Variants in BAIAP2 observed in about 807,000 individuals in gnomAD.
BAIAP2 encodes BAR/IMD domain containing adaptor protein 2.
A neutral mutation model predicts 63.0 loss-of-function variants in BAIAP2; 18 were observed. The ratio of observed to expected loss-of-function variants is 0.29; its 90% CI spans 0.20 to 0.42. The LOEUF is 0.42. BAIAP2 is among the 10% of genes least tolerant of loss of function. BAIAP2 has a pLI of 1.00. For missense variants in BAIAP2, 610 were observed against 734.3 expected (o/e 0.83, Z 1.96); for synonymous variants, 386 against 307.6 (o/e 1.25, Z -2.67).
At chr17:81,105,981 G>A in intron 10 of BAIAP2, 97 bp from the exon 11 acceptor site, 1 of 1,084,834 alleles carries the variant, frequency 9.2e-7, no homozygotes, top group Admixed American at 2.1e-5. Flanking sequence ...GCGCAGCCAT[G>A]CTGGGGAGCT....
intron 11 of BAIAP2, among the ~76,000 whole-genome samples, 178 bp from the exon 12 acceptor site, chr17:81,106,567 G>C (rs1022803578): frequency 6.6e-6 from 1 of 152,228 alleles, no homozygotes; most frequent in Non-Finnish European, 1.5e-5. Context: ...GCCAGGAGGA[G>C]GAAGGGAGGC....
At chr17:81,067,043 C>G (rs955441042) in intron 3 of BAIAP2, among the ~76,000 whole-genome samples, 1 of 152,238 alleles carries the variant, frequency 6.6e-6, no homozygotes, top group Non-Finnish European at 1.5e-5. Flanking sequence ...TGGTTGGTCC[C>G]GGACCTCCAG....
chr17:81,059,123 G>GCCC (rs145916501), intron 3 of BAIAP2, among the ~76,000 whole-genome samples: 37 of 150,204 alleles, frequency 2.5e-4, no homozygotes, highest in African/African-American at 9.1e-4. Context: ...CCTCATCGGA[G>GCCC]CCCCCCCCCC....
At chr17:81,058,529 G>A (rs183300324) in intron 3 of BAIAP2, among the ~76,000 whole-genome samples, 28 of 152,340 alleles carry the variant, frequency 1.8e-4, no homozygotes, top group Admixed American at 1.6e-3. Flanking sequence ...TGGCTTAGAC[G>A]GAGTCCATGC....
At chr17:81,096,936 G>C (rs2057719436) in intron 6 of BAIAP2, among the ~76,000 whole-genome samples, 1 of 152,236 alleles carries the variant, frequency 6.6e-6, no homozygotes, top group Non-Finnish European at 1.5e-5. Context: ...GGAGGAGGAG[G>C]AGGTGGAGGA....
At chr17:81,106,545 C>G (rs747311859) in intron 11 of BAIAP2, among the ~76,000 whole-genome samples, 200 bp from the exon 12 acceptor site, 23 of 152,222 alleles carry the variant, frequency 1.5e-4, no homozygotes, top group Non-Finnish European at 2.6e-4. Flanking sequence ...GTCCTCCCGG[C>G]TTAGCTTCAT....
intron 3 of BAIAP2, among the ~76,000 whole-genome samples, chr17:81,080,073 CTT>C (rs1214935891): frequency 2.6e-5 from 4 of 152,250 alleles, no homozygotes; most frequent in Non-Finnish European, 5.9e-5. Flanking sequence ...GCGGACAAGA[CTT>C]AGTTGCTCAG....
At chr17:81,094,457 A>T (rs1206776154) in intron 6 of BAIAP2, among the ~76,000 whole-genome samples, 2 of 152,128 alleles carry the variant, frequency 1.3e-5, no homozygotes, top group Admixed American at 1.3e-4. Context: ...GATCCTGCCA[A>T]AGTGGCACTG....
intron 3 of BAIAP2, among the ~76,000 whole-genome samples, chr17:81,070,562 G>T (rs1449763691): frequency 2.0e-5 from 3 of 152,230 alleles, no homozygotes; most frequent in Non-Finnish European, 4.4e-5. Context: ...GGGGTTCCTA[G>T]TGGACGCGGG....
chr17:81,075,535 G>A (rs1010923379), intron 3 of BAIAP2, among the ~76,000 whole-genome samples: 5 of 152,222 alleles, frequency 3.3e-5, no homozygotes, highest in Admixed American at 6.5e-5. Context: ...TCGTTCATCT[G>A]CTCACTAGAC....
At chr17:81,076,863 C>T (rs1345957741) in intron 3 of BAIAP2, among the ~76,000 whole-genome samples, 2 of 152,102 alleles carry the variant, frequency 1.3e-5, no homozygotes, top group African/African-American at 2.4e-5. Context: ...CCCAGCTCCT[C>T]GAGAGGCTGG....
chr17:81,089,813 A>AGGGC (rs960239673), intron 6 of BAIAP2, among the ~76,000 whole-genome samples: 5 of 152,038 alleles, frequency 3.3e-5, no homozygotes, highest in Non-Finnish European at 7.4e-5. Context: ...GTGGGCGGAG[A>AGGGC]GGGCAGGCAG....
At chr17:81,103,071 C>T (rs1012310203) in intron 7 of BAIAP2, among the ~76,000 whole-genome samples, 17 of 152,332 alleles carry the variant, frequency 1.1e-4, no homozygotes, top group African/African-American at 3.6e-4. Flanking sequence ...GTGTGTCTGA[C>T]GGGGCTGCCT....
At chr17:81,055,053 G>C (rs1196019955) in intron 2 of BAIAP2, among the ~76,000 whole-genome samples, 1 of 152,192 alleles carries the variant, frequency 6.6e-6, no homozygotes, top group Non-Finnish European at 1.5e-5. Context: ...TCCGGGACAC[G>C]TGCTGCGTCT....
chr17:81,096,105 A>G (rs1371076507), intron 6 of BAIAP2, among the ~76,000 whole-genome samples: 1 of 152,142 alleles, frequency 6.6e-6, no homozygotes, highest in Non-Finnish European at 1.5e-5. Flanking sequence ...GACCACTCCA[A>G]GCAGCACCTT....
intron 3 of BAIAP2, among the ~76,000 whole-genome samples, chr17:81,064,134 C>T (rs2051059690): frequency 6.6e-6 from 1 of 151,794 alleles, no homozygotes; most frequent in South Asian, 2.1e-4. Flanking sequence ...CCAACCCTGG[C>T]TGCCCTTCTT....
intron 3 of BAIAP2, among the ~76,000 whole-genome samples, chr17:81,080,975 C>T (rs1258063032): frequency 2.0e-5 from 3 of 152,240 alleles, no homozygotes; most frequent in Admixed American, 6.5e-5. Context: ...CCGGCGACCT[C>T]GCAAAGGCTG....
rs1416213303 is a variant in BAIAP2 at position 81,115,875 on chromosome 17, C to T, written c.*36C>T. The T allele has an allele frequency of 6.2e-7, 1 of 1,611,186 alleles. No individual in the cohort carries two copies. Among genetic ancestry groups the T allele is most frequent in the Non-Finnish European group, 8.5e-7 (1 of 1,179,136 alleles). ...TGCAGTGCTGCCCATCTGGTGGCTT[C>T]CCCCGCCCTTCCCATGTAGCCTGTT... On this transcript the variant is annotated 3_prime_UTR_variant, in exon 14 of 14. Coordinates refer to ENST00000428708, the MANE Select transcript of BAIAP2 (RefSeq NM_001144888.2).
rs758259928 is a variant in BAIAP2, at chr17:81,116,262, G to C, written c.*423G>C. Reference sequence around the variant, plus strand: ...CTGTCCGCCCAAGGGCCAGAAGGCCGGGAGCACGGGGATGGGAGCGCCCGC... The same window carrying C: ...CTGTCCGCCCAAGGGCCAGAAGGCCCGGAGCACGGGGATGGGAGCGCCCGC... On this transcript the variant is annotated 3_prime_UTR_variant, in exon 14 of 14. Coordinates refer to ENST00000428708, the MANE Select transcript of BAIAP2 (RefSeq NM_001144888.2). 1 of 1,612,854 alleles carries C rather than the reference G, an allele frequency of 6.2e-7. No homozygotes were observed. Among genetic ancestry groups the C allele is most frequent in the Non-Finnish European group, 8.5e-7 (1 of 1,179,954 alleles).
Sources: allele counts gnomAD v4.1 joint callset (sites outside exome capture counted in the v4.1 genomes callset), GRCh38; gene constraint gnomAD v4.1.1; transcripts MANE v1.5; gene names NCBI Gene and HGNC (gene_info 2026-07-23, HGNC 2026-07-21).